Variants in STAG3 observed in about 807,000 individuals in gnomAD.
STAG3 encodes STAG3 cohesin complex component, also known as cohesin subunit SA-3.
In STAG3, 101 loss-of-function variants were observed where a neutral mutation model predicts 160.7. The observed-to-expected ratio is 0.63, with a 90% CI of 0.54 to 0.74. STAG3 has a LOEUF of 0.74. STAG3 is among the 30% of genes least tolerant of loss of function. The probability of loss-of-function intolerance (pLI) is 0.00; values close to 1 mark genes in which losing one functional copy is unlikely to be tolerated. For synonymous variants in STAG3, 519 were observed against 585.0 expected, an observed-to-expected ratio of 0.89 and a Z score of 1.63; for missense variants, 1,188 against 1,517.4, an observed-to-expected ratio of 0.78 and a Z score of 3.61.
intron 25 of STAG3, among the ~76,000 whole-genome samples, chr7:100,203,579 A>T: frequency 6.6e-6 from 1 of 150,688 alleles, no homozygotes; most frequent in Non-Finnish European, 1.5e-5. Flanking sequence ...CAGTGGCGTG[A>T]TCTCGGCTCA....
At chr7:100,208,642 G>A (rs1041246484) in intron 29 of STAG3, among the ~76,000 whole-genome samples, 2 of 152,154 alleles carry the variant, frequency 1.3e-5, no homozygotes, top group Admixed American at 1.3e-4. Context: ...AGATCGCTCT[G>A]CCTAAAGCGT....
In STAG3 at chr7:100,211,174, T is replaced by A. The variant is rs750260850; in HGVS notation, c.3402T>A (p.Asp1134Glu). ...AGGAAGAAGATGGCTCAGAGTTGGA[T>A]TTTGCCCAGGGGTGAGGCCATGGAG... Reference protein sequence around the residue: ...EMEEEDGSELDFAQGSQPVAG... With the variant: ...EMEEEDGSELEFAQGSQPVAG... Residue 1134 changes from aspartate (D) to glutamate (E), a missense_variant, in exon 30 of 34, where the codon GAT becomes GAA. By Grantham distance (45) the Asp-to-Glu change is conservative. Around this residue, in one of 4 missense-constraint regions of STAG3, gnomAD observed 647 missense variants for 717.2 expected, o/e 0.90. Transcript: ENST00000615138. The A allele has an allele frequency of 6.3e-7, 1 of 1,582,554 alleles. No individual in the cohort carries two copies. Among genetic ancestry groups the A allele is most frequent in the South Asian group, 1.2e-5 (1 of 85,310 alleles).
At chr7:100,193,246 G>A (rs912839298) in intron 8 of STAG3, among the ~76,000 whole-genome samples, 10 of 152,186 alleles carry the variant, frequency 6.6e-5, no homozygotes, top group South Asian at 2.1e-4. Context: ...ATAGAGCATA[G>A]GAAGAGTAGA....
At chr7:100,186,369 A>G (rs550173686) in intron 5 of STAG3, 73 bp downstream of exon 5, 4 of 1,358,574 alleles carry the variant, frequency 2.9e-6, no homozygotes, top group Middle Eastern at 1.8e-4. Context: ...CTCCATTTAG[A>G]TAAGTAGGAT....
At position 100,204,010 on chromosome 7, in the gene STAG3, T is replaced by C. The variant is rs1801394936; in HGVS notation, c.2701-11T>C. On this transcript the variant is annotated splice_polypyrimidine_tract_variant and intron_variant, in intron 25 of 33. Transcript: ENST00000615138. ...CAGTCAGACATTACCTTCCCCACTC[T>C]TTCCCCTCAGTTCTACAATGACTAT... The C allele has an allele frequency of 1.3e-6, 2 of 1,593,106 alleles. No homozygotes were observed. The highest frequency in any genetic ancestry group is 1.7e-6 in the Non-Finnish European group (2 of 1,161,020).
chr7:100,189,101 C>CCTGCAT, intron 7 of STAG3, 85 bp downstream of exon 7: 1 of 1,466,672 alleles, frequency 6.8e-7, no homozygotes. Context: ...TTCTTTCCTA[C>CCTGCAT]CTGCATCTTG....
In STAG3 at chr7:100,182,338, G is replaced by A. The variant is rs1476523648; in HGVS notation, c.219+146G>A. The A allele has an allele frequency of 6.3e-5, 36 of 568,308 alleles. 1 individual carries two copies. In the Admixed American group the frequency reaches 7.8e-4, roughly 12 times the overall value. The allele number at this position is 568,308 out of a possible 1,614,324, so 35.2% of individuals were successfully genotyped here. ...TGCGCCCCTGCACTCTAGCCTGGGC[G>A]ACAGAGCGAGACTCCGTCTCAAAAA... On this transcript the variant is annotated intron_variant, in intron 3 of 33. Coordinates refer to ENST00000615138, the MANE Select transcript of STAG3 (RefSeq NM_001282717.2).
At position 100,211,173 on chromosome 7, in the gene STAG3, AT is replaced by A; in HGVS notation, c.3405del (p.Phe1135LeufsTer37). On this transcript the variant is annotated frameshift_variant, in exon 30 of 34. Coordinates refer to ENST00000615138, the MANE Select transcript of STAG3 (RefSeq NM_001282717.2). LOFTEE classifies it high-confidence loss of function. ...GAGGAAGAAGATGGCTCAGAGTTGG[AT>A]TTTGCCCAGGGGTGAGGCCATGGAG... ...EMEEEDGSEL[D>X]FAQGSQPVAG... The A allele has an allele frequency of 6.5e-7, 1 of 1,537,506 alleles. No homozygotes were observed. Among genetic ancestry groups the A allele is most frequent in the Non-Finnish European group, 8.8e-7 (1 of 1,137,246 alleles).
In STAG3 at chr7:100,200,871, C is replaced by G; in HGVS notation, c.1963C>G (p.Pro655Ala). ...GCATGCCCTCTACCTGCTCTGTAAT[C>G]CCGAATTCACTTTCTTCAGCCGGGC... ...GAHALYLLCN[P>A]EFTFFSRADF... The change falls in exon 19 of 34, where the codon CCC (proline) becomes GCC (alanine). Residue 655 changes from proline (P) to alanine (A), a missense_variant. Pro to Ala is a conservative substitution (Grantham distance 27). This residue lies in a region of STAG3 where 647 missense variants were observed against 717.2 expected (regional missense o/e 0.90). Transcript: ENST00000615138. 6.2e-7 allele frequency: 1 copy of G among 1,614,206 alleles called. No homozygotes were observed. Among genetic ancestry groups the G allele is most frequent in the Non-Finnish European group, 8.5e-7 (1 of 1,180,048 alleles).
At position 100,195,729 on chromosome 7, in the gene STAG3, G is replaced by A. The variant is rs116941680; in HGVS notation, c.941+347G>A. ...ATAGAAAGGCGGGGCTTTTCTGAGG[G>A]ATGCCTGCTGCCTGGTGAGCCTTCT... On this transcript the variant is annotated intron_variant, in intron 9 of 33. Coordinates refer to ENST00000615138, the MANE Select transcript of STAG3 (RefSeq NM_001282717.2). Among the ~76,000 whole-genome samples, 603 of 152,346 alleles carry A rather than the reference G, an allele frequency of 4.0e-3. 3 individuals carry two copies. The highest frequency in any genetic ancestry group is 5.5e-3 in the Non-Finnish European group (374 of 68,038).
chr7:100,193,453 G>T (rs1341530454), intron 8 of STAG3, among the ~76,000 whole-genome samples: 1 of 152,168 alleles, frequency 6.6e-6, no homozygotes, highest in African/African-American at 2.4e-5. Flanking sequence ...CAATTATAAG[G>T]CAGTTTAGTC....
At chr7:100,200,110 C>A (rs1800997994) in intron 16 of STAG3, 126 bp from the exon 17 acceptor site, 3 of 557,774 alleles carry the variant, frequency 5.4e-6, no homozygotes, top group Non-Finnish European at 9.3e-6. Flanking sequence ...AAAAAGAAAT[C>A]TCGTGGGAGC....
chr7:100,205,405 A>G, intron 29 of STAG3, 21 bp downstream of exon 29: 2 of 1,580,170 alleles, frequency 1.3e-6, no homozygotes, highest in Non-Finnish European at 1.7e-6. Flanking sequence ...GTGTGTGGGT[A>G]TGGGGGTGCC....
chr7:100,208,106 A>G (rs950131136), intron 29 of STAG3, among the ~76,000 whole-genome samples: 16 of 151,868 alleles, frequency 1.1e-4, no homozygotes, highest in Non-Finnish European at 1.9e-4. Flanking sequence ...AAAGAGCGAG[A>G]TACTGTCTCA....
At chr7:100,202,734 C>G in intron 25 of STAG3, 144 bp downstream of exon 25, 1 of 1,040,828 alleles carries the variant, frequency 9.6e-7, no homozygotes, top group Non-Finnish European at 1.4e-6. Context: ...ACTGGGAGTT[C>G]AGAATAAGGG....
At chr7:100,185,463 G>C (rs193057363) in intron 4 of STAG3, among the ~76,000 whole-genome samples, 14 of 152,016 alleles carry the variant, frequency 9.2e-5, no homozygotes, top group Non-Finnish European at 1.9e-4. Flanking sequence ...TTAGCCAGGC[G>C]TGGTGGCGCA....
chr7:100,204,971 G>T (rs1156606516), intron 27 of STAG3, 34 bp from the exon 28 acceptor site: 1 of 1,606,506 alleles, frequency 6.2e-7, no homozygotes, highest in Non-Finnish European at 8.5e-7. Context: ...AGTGGGAAGA[G>T]ACTTTCTTCC....
chr7:100,185,103 A>C (rs1799910098), intron 4 of STAG3, among the ~76,000 whole-genome samples: 1 of 151,816 alleles, frequency 6.6e-6, no homozygotes, highest in Admixed American at 6.6e-5. Context: ...CAGTGGTGCT[A>C]TCACGGCTCC....
intron 16 of STAG3, 137 bp downstream of exon 16, chr7:100,199,781 C>T (rs1156484665): frequency 4.4e-5 from 31 of 702,472 alleles, no homozygotes; most frequent in South Asian, 8.2e-5. Context: ...AAGGGCCAGG[C>T]GCAGTGGCTT....
Sources: gnomAD v4.1 joint callset for allele counts (sites outside exome capture counted in the v4.1 genomes callset) on GRCh38, gnomAD v4.1.1 for gene constraint, gnomAD v4.1.1 regional missense constraint, MANE v1.5 for transcripts, NCBI Gene and HGNC (gene_info 2026-07-23, HGNC 2026-07-21) for gene names.